The following CMC1 variants were observed in gnomAD, a reference collection of about 807,000 sequenced individuals.
CMC1 encodes the protein COX assembly mitochondrial protein homolog.
A neutral mutation model predicts 14.1 loss-of-function variants in CMC1; 14 were observed. That is an observed-to-expected ratio of 0.99 (90% CI 0.66 to 1.55). The LOEUF is 1.55. CMC1 is among the 40% of genes most tolerant of loss of function. The probability of loss-of-function intolerance (pLI) is 0.00; values close to 1 mark genes in which losing one functional copy is unlikely to be tolerated. For synonymous variants in CMC1, 50 were observed against 38.4 expected, an observed-to-expected ratio of 1.30 and a Z score of -1.12; for missense variants, 127 against 123.8, an observed-to-expected ratio of 1.03 and a Z score of -0.12.
intron 2 of CMC1, among the ~76,000 whole-genome samples, chr3:28,287,246 T>A (rs1474298448): frequency 1.3e-5 from 2 of 152,164 alleles, no homozygotes; most frequent in Admixed American, 6.5e-5. Context: ...ATGAAACTTT[T>A]CCTTTTGGTT....
At chr3:28,259,917 G>A (rs779546209) in intron 1 of CMC1, among the ~76,000 whole-genome samples, 3 of 152,026 alleles carry the variant, frequency 2.0e-5, no homozygotes, top group East Asian at 1.9e-4. Flanking sequence ...TAGGGAAAGC[G>A]TTCAGAGTTT....
intron 3 of CMC1, 43 bp downstream of exon 3, chr3:28,316,466 G>A: frequency 8.9e-7 from 1 of 1,125,448 alleles, no homozygotes; most frequent in Non-Finnish European, 1.3e-6. Flanking sequence ...GTGTATTTGT[G>A]GTAGATAAGA....
chr3:28,275,341 C>CTTTTTTTTTTTTTTTTTTTTTTTTTTT (rs71087681), intron 2 of CMC1, among the ~76,000 whole-genome samples: 4 of 101,064 alleles, frequency 4.0e-5, no homozygotes, highest in African/African-American at 7.6e-5. Flanking sequence ...TTTTTTTTTT[C>CTTTTTTTTTTTTTTTTTTTTTTTTTTT]TTTTTTTTTT....
At position 28,288,610 on chromosome 3, in the gene CMC1, T is replaced by G. The variant is rs150212622; in HGVS notation, c.109+25230T>G. ...ACAACTGCAACTGCCACATTTTGAC[T>G]GTGTGTTGGAATATTAAAACAAGGA... On this transcript the variant is annotated intron_variant, in intron 2 of 3. Coordinates refer to ENST00000466830, the MANE Select transcript of CMC1 (RefSeq NM_182523.2). Among the ~76,000 whole-genome samples the G allele has an allele frequency of 2.6e-3, 388 of 152,156 alleles. 4 individuals are homozygous for G. Among genetic ancestry groups the G allele is most frequent in the African/African-American group, 9.1e-3 (378 of 41,560 alleles).
At chr3:28,315,644 G>C (rs1472334803) in intron 2 of CMC1, among the ~76,000 whole-genome samples, 1 of 152,134 alleles carries the variant, frequency 6.6e-6, no homozygotes, top group African/African-American at 2.4e-5. Context: ...ATATACAGTC[G>C]TGCACTGCAT....
At chr3:28,258,797 T>A (rs966463889) in intron 1 of CMC1, among the ~76,000 whole-genome samples, 79 of 149,694 alleles carry the variant, frequency 5.3e-4, no homozygotes, top group African/African-American at 1.4e-3. Flanking sequence ...TTTTTTATAT[T>A]TTTTTTTAGT....
At chr3:28,287,096 A>G (rs1486212174) in intron 2 of CMC1, among the ~76,000 whole-genome samples, 1 of 152,132 alleles carries the variant, frequency 6.6e-6, no homozygotes, top group Non-Finnish European at 1.5e-5. Flanking sequence ...ATTCTTCCTA[A>G]CACTCTTTTG....
intron 2 of CMC1, among the ~76,000 whole-genome samples, chr3:28,309,799 T>C (rs1051391434): frequency 1.3e-5 from 2 of 150,096 alleles, no homozygotes; most frequent in Admixed American, 6.7e-5. Flanking sequence ...GTACATGCCT[T>C]TTCTCCTGCA....
rs1024919152 is a variant in CMC1 at position 28,243,252 on chromosome 3, C to T, written c.19+1440C>T. ...TGTATTTTTAGTAGAGATGAGGTTT[C>T]GCCGTGTTCGCCATGCTGGTCTGGA... On this transcript the variant is annotated intron_variant, in intron 1 of 3. Coordinates refer to ENST00000466830, the MANE Select transcript of CMC1 (RefSeq NM_182523.2). Among the ~76,000 whole-genome samples, 4 of 152,086 alleles carry T rather than the reference C, an allele frequency of 2.6e-5. No homozygotes were observed. In the East Asian group the frequency reaches 5.8e-4, roughly 22 times the overall value.
intron 2 of CMC1, among the ~76,000 whole-genome samples, chr3:28,274,958 T>C (rs1027039884): frequency 6.6e-6 from 1 of 152,180 alleles, no homozygotes; most frequent in African/African-American, 2.4e-5. Flanking sequence ...TTATGTTCCT[T>C]TCTAAACTGG....
At chr3:28,286,016 C>T (rs1231201692) in intron 2 of CMC1, among the ~76,000 whole-genome samples, 3 of 152,068 alleles carry the variant, frequency 2.0e-5, no homozygotes, top group Non-Finnish European at 4.4e-5. Context: ...CTGCCTGCCT[C>T]GGCCTCCCAA....
intron 1 of CMC1, among the ~76,000 whole-genome samples, chr3:28,252,385 T>G (rs2125434020): frequency 6.6e-6 from 1 of 152,354 alleles, no homozygotes; most frequent in Non-Finnish European, 1.5e-5. Context: ...ACTTTCCGTA[T>G]TTTGTAAGCG....
intron 2 of CMC1, among the ~76,000 whole-genome samples, chr3:28,314,120 A>T (rs1207200667): frequency 6.6e-6 from 1 of 152,182 alleles, no homozygotes; most frequent in Non-Finnish European, 1.5e-5. Flanking sequence ...CTAATTCCGG[A>T]TTAACTTTAT....
chr3:28,305,789 T>TA (rs1201102413), intron 2 of CMC1, among the ~76,000 whole-genome samples: 3 of 141,198 alleles, frequency 2.1e-5, no homozygotes, highest in Non-Finnish European at 3.1e-5. Context: ...ATTTTTTTTT[T>TA]TTTTTTTTTT....
chr3:28,275,395 G>T (rs1559416130), intron 2 of CMC1, among the ~76,000 whole-genome samples: 1 of 148,508 alleles, frequency 6.7e-6, no homozygotes, highest in East Asian at 2.0e-4. Flanking sequence ...GTTTGCTCGG[G>T]GTCCGCTTCA....
chr3:28,293,300 A>T (rs5003245), intron 2 of CMC1, among the ~76,000 whole-genome samples: 31,286 of 151,004 alleles, frequency 0.21, 4,040 homozygotes, highest in Non-Finnish European at 0.29. Flanking sequence ...AGCTACAAAT[A>T]GAGGGACTTT....
intron 2 of CMC1, among the ~76,000 whole-genome samples, chr3:28,303,505 T>G (rs1320779057): frequency 6.6e-6 from 1 of 152,016 alleles, no homozygotes; most frequent in Admixed American, 6.6e-5. Context: ...TTTGTTACTG[T>G]TTTTTTGAAT....
At chr3:28,264,318 C>T (rs943528838) in intron 2 of CMC1, among the ~76,000 whole-genome samples, 1 of 152,064 alleles carries the variant, frequency 6.6e-6, no homozygotes. Context: ...AGGACTGGGT[C>T]AATAACATTT....
At chr3:28,317,183 C>T (rs895148399) in intron 3 of CMC1, 2 of 151,908 alleles carry the variant, frequency 1.3e-5, no homozygotes, top group African/African-American at 4.8e-5. Flanking sequence ...ATGTAATGAA[C>T]ACCCGAACCC....
Sources: gnomAD v4.1 joint callset for allele counts (sites outside exome capture counted in the v4.1 genomes callset) on GRCh38, gnomAD v4.1.1 for gene constraint, MANE v1.5 for transcripts, NCBI Gene and HGNC (gene_info 2026-07-23, HGNC 2026-07-21) for gene names.